Variants in LCTL observed in about 807,000 individuals in gnomAD.
LCTL encodes the protein lactase-like protein.
Under a neutral mutation model 75.8 loss-of-function variants are expected in LCTL, and 76 were observed. The ratio of observed to expected loss-of-function variants is 1.00; its 90% confidence interval spans 0.83 to 1.21. The LOEUF is 1.21. Among genes scored for constraint, LCTL ranks in the 50% most tolerant of loss-of-function variants. LCTL has a pLI of 0.00. For missense variants in LCTL, 670 were observed against 712.4 expected, an observed-to-expected ratio of 0.94 and a Z score of 0.68; for synonymous variants, 271 against 268.8, an observed-to-expected ratio of 1.01 and a Z score of -0.08.
At chr15:66,557,659 T>A in intron 8 of LCTL, 63 bp downstream of exon 9, 1 of 1,547,772 alleles carries the variant, frequency 6.5e-7, no homozygotes, top group South Asian at 1.2e-5. Context: ...TGCCTTTTGC[T>A]TGTTTCACAT....
chr15:66,564,073 G>A, intron 2 of LCTL, 75 bp from the exon 4 acceptor site: 1 of 939,938 alleles, frequency 1.1e-6, no homozygotes. Context: ...GGGCTCTAGG[G>A]CCGAGGCTCA....
chr15:66,550,125 A>G, intron 11 of LCTL, 21 bp from the exon 13 acceptor site: 2 of 1,538,052 alleles, frequency 1.3e-6, no homozygotes. Context: ...CCCACTTGAT[A>G]AGTAATGTTG....
chr15:66,564,598 C>A (rs1318866389), intron 2 of LCTL, 78 bp downstream of exon 3: 23 of 1,495,046 alleles, frequency 1.5e-5, no homozygotes, highest in Non-Finnish European at 1.9e-5. Flanking sequence ...AAACGTCACT[C>A]CCTGCCTCCC....
chr15:66,550,990 T>C, intron 11 of LCTL, among the ~76,000 whole-genome samples: 1 of 152,192 alleles, frequency 6.6e-6, no homozygotes, highest in East Asian at 1.9e-4. Flanking sequence ...ATGATAATTA[T>C]ACATTTGATT....
chr15:66,555,484 T>G (rs1895718972), intron 8 of LCTL, among the ~76,000 whole-genome samples: 1 of 151,678 alleles, frequency 6.6e-6, no homozygotes, highest in Non-Finnish European at 1.5e-5. Context: ...GAGGTTGCAG[T>G]GAGCCGAGAT....
chr15:66,550,933 G>C (rs985796264), intron 11 of LCTL, among the ~76,000 whole-genome samples: 4 of 152,188 alleles, frequency 2.6e-5, no homozygotes, highest in East Asian at 3.8e-4. Context: ...TGAAGCCAGT[G>C]TGTGTGTATG....
At position 66,564,349 on chromosome 15, in the gene LCTL, A is replaced by G. The variant is rs1022018169; in HGVS notation, c.282+327T>C. ...AGGGTGCAACTGACAAGCAGGGACC[A>G]GGGGTTCAGGCCACTGTGGCTGTAG... On this transcript the variant is annotated intron_variant, in intron 2 of 12. Transcript: ENST00000341509. The G allele has an allele frequency of 1.1e-5, 5 of 470,758 alleles. No individual in the cohort carries two copies. In the Admixed American group the frequency reaches 1.8e-4, roughly 17 times the overall value. The allele number at this position is 470,758 out of a possible 1,614,324, so 29.2% of individuals were successfully genotyped here.
At chr15:66,553,048 T>G in exon 9 of LCTL, 1 of 1,594,150 alleles carries the variant, frequency 6.3e-7, no homozygotes, top group Non-Finnish European at 8.5e-7. Flanking sequence ...AGACCCCAGA[T>G]CTGGCCAGTT....
exon 1 of LCTL, chr15:66,565,424 C>A: frequency 8.9e-7 from 1 of 1,117,358 alleles, no homozygotes; most frequent in Non-Finnish European, 1.3e-6. Flanking sequence ...GCCCCTGCAG[C>A]CAGGCTGATG....
At chr15:66,561,431 G>A (rs1376283279) in intron 4 of LCTL, 116 bp from the exon 6 acceptor site, 3 of 1,127,634 alleles carry the variant, frequency 2.7e-6, no homozygotes, top group Non-Finnish European at 3.9e-6. Context: ...AGGGAGACTG[G>A]GACTCTCATG....
At chr15:66,565,785 G>A (rs899725723), upstream of LCTL, 3 of 181,068 alleles carry the variant, frequency 1.7e-5, no homozygotes, top group African/African-American at 2.4e-5. Context: ...CCATCCCAGT[G>A]CCTCTGTCCT....
At chr15:66,548,177 T>C (rs1322850967) in exon 13 of LCTL, 1 of 190,192 alleles carries the variant, frequency 5.3e-6, no homozygotes, top group Non-Finnish European at 1.1e-5. Context: ...TTTAGAGTGA[T>C]AAACAATCAA....
At chr15:66,558,689 T>TG (rs1567060823) in intron 6 of LCTL, among the ~76,000 whole-genome samples, 10 of 21,854 alleles carry the variant, frequency 4.6e-4, no homozygotes, top group Non-Finnish European at 6.2e-4. Context: ...GTGTGTGTGT[T>TG]TTTTTTTTTT....
rs377707500 is a variant in LCTL at position 66,564,050 on chromosome 15, G to A, written c.283-52C>T. 7.3e-6 allele frequency: 9 copies of A among 1,224,630 alleles called. 1 individual carries two copies. The highest frequency in any genetic ancestry group is 1.1e-5 in the Non-Finnish European group (9 of 825,696). 75.9% of individuals were successfully genotyped at this position (1,224,630 alleles called of 1,614,324 possible). ...GTCACCTGGGCCCTGGGTATGGGAG[G>A]TAGGGGTCCATCGGGCTCTAGGGCC... On this transcript the variant is annotated intron_variant, in intron 2 of 12. Transcript: ENST00000341509.
intron 6 of LCTL, among the ~76,000 whole-genome samples, chr15:66,559,914 C>A (rs555410683): frequency 1.3e-5 from 2 of 152,018 alleles, no homozygotes; most frequent in Non-Finnish European, 2.9e-5. Flanking sequence ...TGGTGAAACC[C>A]TGTCTCTATC....
rs778660664 is a variant in LCTL, at chr15:66,551,802, C to G, written c.1384G>C (p.Glu462Gln). The change falls in exon 11 of 13, where the codon GAA (glutamate) becomes CAA (glutamine). Residue 462 changes from glutamate to glutamine, a missense_variant. Coordinates refer to ENST00000341509, the Ensembl canonical transcript of LCTL. ...CTATCTGAGTATCCTTTCTCCCATTCAAACTTATCCAACAGAGACCAGGAA... is the reference window on the plus strand; with the variant it reads ...CTATCTGAGTATCCTTTCTCCCATTGAAACTTATCCAACAGAGACCAGGAA... 6.2e-7 allele frequency: 1 copy of G among 1,613,948 alleles called. No individual in the cohort carries two copies. The highest frequency in any genetic ancestry group is 1.1e-5 in the South Asian group (1 of 91,086).
chr15:66,565,096 A>C (rs76004841), intron 1 of LCTL, 152 bp downstream of exon 2: 43 of 689,260 alleles, frequency 6.2e-5, no homozygotes, highest in Non-Finnish European at 8.8e-5. Flanking sequence ...CAAAAAAAAA[A>C]TATCTGTTAG....
chr15:66,561,333 C>T lies in LCTL; in HGVS notation c.481-18G>A. The T allele has an allele frequency of 6.2e-7, 1 of 1,614,146 alleles. No individual in the cohort carries two copies. The highest frequency in any genetic ancestry group is 8.5e-7 in the Non-Finnish European group (1 of 1,180,000). On this transcript the variant is annotated intron_variant, in intron 4 of 12. Transcript: ENST00000341509. ...TGGAGCAGCTGTGAACACAGAGAAGCAGATGCCCCATGAATGAACCGCAAA... is the reference window on the plus strand; with the variant it reads ...TGGAGCAGCTGTGAACACAGAGAAGTAGATGCCCCATGAATGAACCGCAAA...
intron 6 of LCTL, among the ~76,000 whole-genome samples, 170 bp downstream of exon 7, chr15:66,560,836 A>G (rs1895867332): frequency 1.3e-5 from 2 of 152,230 alleles, no homozygotes; most frequent in East Asian, 1.9e-4. Flanking sequence ...AGTGTCCCCC[A>G]GCGCCCTGAA....
Sources: allele counts gnomAD v4.1 joint callset (sites outside exome capture counted in the v4.1 genomes callset), GRCh38; gene constraint gnomAD v4.1.1; transcripts MANE v1.5; gene names NCBI Gene and HGNC (gene_info 2026-07-23, HGNC 2026-07-21).